The following DMGDH variants were observed in gnomAD, a reference collection of about 807,000 sequenced individuals.
DMGDH encodes dimethylglycine dehydrogenase, mitochondrial.
A neutral mutation model predicts 95.2 loss-of-function variants in DMGDH; 76 were observed. The ratio of observed to expected loss-of-function variants is 0.80; its 90% CI spans 0.66 to 0.97. DMGDH has a LOEUF of 0.97. Ranked by LOEUF, DMGDH falls within the 50% of genes least tolerant of loss-of-function variation. The pLI is 0.00. For missense variants in DMGDH, 987 were observed against 1,055.0 expected, an observed-to-expected ratio of 0.94 and a Z score of 0.89; for synonymous variants, 345 against 377.6, an observed-to-expected ratio of 0.91 and a Z score of 1.00.
At chr5:79,063,935 T>G (rs1176179808) in intron 1 of DMGDH, 148 bp from the exon 2 acceptor site, 9 of 924,436 alleles carry the variant, frequency 9.7e-6, no homozygotes, top group Non-Finnish European at 1.5e-5. Context: ...TTGGAGCATC[T>G]AAACTGTGAT....
At chr5:79,009,365 C>CTTTTTTT (rs34398829) in intron 14 of DMGDH, among the ~76,000 whole-genome samples, 17 of 132,486 alleles carry the variant, frequency 1.3e-4, no homozygotes, top group South Asian at 5.0e-4. Flanking sequence ...CTTTTCTTTT[C>CTTTTTTT]TTTTTTTTTT....
chr5:79,015,710 C>T (rs1181752858), intron 14 of DMGDH, among the ~76,000 whole-genome samples: 1 of 152,132 alleles, frequency 6.6e-6, no homozygotes, highest in Non-Finnish European at 1.5e-5. Flanking sequence ...TAATGGCAAG[C>T]TCTAAGTGCT....
At chr5:79,037,456 A>T (rs1255716191) in intron 7 of DMGDH, among the ~76,000 whole-genome samples, 1 of 152,172 alleles carries the variant, frequency 6.6e-6, no homozygotes, top group Non-Finnish European at 1.5e-5. Context: ...TATATTACAT[A>T]AGAAATATCT....
intron 14 of DMGDH, chr5:79,020,982 AT>A: frequency 1.0e-6 from 1 of 985,394 alleles, no homozygotes; most frequent in Non-Finnish European, 1.2e-6. Context: ...TGATTAATGC[AT>A]TTCTTCCATC....
chr5:79,018,686 AAAT>A (rs1236997028), intron 14 of DMGDH, among the ~76,000 whole-genome samples: 1 of 152,302 alleles, frequency 6.6e-6, no homozygotes, highest in Non-Finnish European at 1.5e-5. Context: ...AATACACTTA[AAAT>A]AATAATAAAA....
At chr5:79,044,667 AG>A in intron 5 of DMGDH, 115 bp from the exon 6 acceptor site, 1 of 1,186,750 alleles carries the variant, frequency 8.4e-7, no homozygotes, top group Non-Finnish European at 1.2e-6. Context: ...CTCATGGCAA[AG>A]TCTAATAAAT....
At chr5:79,007,718 T>C (rs1221366640) in intron 14 of DMGDH, among the ~76,000 whole-genome samples, 1 of 152,196 alleles carries the variant, frequency 6.6e-6, no homozygotes, top group African/African-American at 2.4e-5. Context: ...TCACCTACCA[T>C]CATGGAATCT....
chr5:79,048,054 T>C (rs1754731833), intron 5 of DMGDH, among the ~76,000 whole-genome samples: 1 of 152,138 alleles, frequency 6.6e-6, no homozygotes, highest in South Asian at 2.1e-4. Flanking sequence ...TTAAGTCTGG[T>C]ACCAAGAAGC....
At chr5:79,043,185 A>G (rs543685221) in intron 6 of DMGDH, among the ~76,000 whole-genome samples, 21 of 152,356 alleles carry the variant, frequency 1.4e-4, no homozygotes, top group African/African-American at 4.3e-4. Flanking sequence ...AGGTAGGGTC[A>G]GTCTCATGGA....
chr5:79,000,078 G>A (rs957714829), intron 15 of DMGDH: 1 of 367,708 alleles, frequency 2.7e-6, no homozygotes, highest in African/African-American at 2.1e-5. Flanking sequence ...GATACTCCTG[G>A]ATTTTCACTT....
Position 79,028,485 on chromosome 5 carries a change from C to T in DMGDH, c.1980G>A (p.Lys660=), listed in dbSNP as rs1754060657. 4.3e-6 allele frequency: 7 copies of T among 1,613,996 alleles called. No homozygotes were observed. The highest frequency in any genetic ancestry group is 5.9e-6 in the Non-Finnish European group (7 of 1,180,020). The change falls in exon 12 of 16, where the codon AAG becomes AAA. Residue 660 remains lysine (K), a synonymous_variant. Transcript: ENST00000255189. ...CAGGAATGTTGGAAACCTTTAAGGA[C>T]TTGGTTTGAAGAAACTTGAAAACAT... is the stretch of plus-strand genomic sequence containing the variant. ...SDDVFKFLQT[K]SLKVSNIPVT... is the part of the protein sequence containing the mutation.
chr5:78,998,050 C>A lies in DMGDH; in HGVS notation c.*32G>T, dbSNP rs772883155. The A allele has an allele frequency of 1.7e-5, 28 of 1,609,052 alleles. No individual in the cohort carries two copies. The highest frequency in any genetic ancestry group is 2.1e-5 in the Non-Finnish European group (25 of 1,175,590). On this transcript the variant is annotated 3_prime_UTR_variant, in exon 16 of 16. Transcript: ENST00000255189. ...TAATTTCAAGGACAGTCATTAGCAACTCTAATTCAGTTGACTGCTGAAGGT... is the reference window on the plus strand; with the variant it reads ...TAATTTCAAGGACAGTCATTAGCAAATCTAATTCAGTTGACTGCTGAAGGT...
intron 6 of DMGDH, among the ~76,000 whole-genome samples, chr5:79,042,951 A>G (rs1194970231): frequency 1.3e-5 from 2 of 152,102 alleles, no homozygotes; most frequent in Non-Finnish European, 2.9e-5. Context: ...ACCCCTTTTA[A>G]CTCTCCTTTC....
At chr5:79,040,260 T>C (rs141632490) in intron 7 of DMGDH, among the ~76,000 whole-genome samples, 12 of 152,102 alleles carry the variant, frequency 7.9e-5, no homozygotes, top group Admixed American at 2.0e-4. Context: ...TACTAGAGAA[T>C]TGGAGAATTG....
chr5:79,026,819 C>CT (rs1012857006), intron 12 of DMGDH, among the ~76,000 whole-genome samples: 1 of 152,158 alleles, frequency 6.6e-6, no homozygotes, highest in Non-Finnish European at 1.5e-5. Context: ...TGCAGGACAC[C>CT]TCTTGTCATG....
intron 9 of DMGDH, among the ~76,000 whole-genome samples, chr5:79,032,413 G>T (rs1332716805): frequency 6.6e-6 from 1 of 152,200 alleles, no homozygotes; most frequent in East Asian, 1.9e-4. Flanking sequence ...TTGGAGGGCG[G>T]TCGCAAGTTT....
intron 2 of DMGDH, among the ~76,000 whole-genome samples, chr5:79,056,176 C>T (rs1276930489): frequency 2.0e-5 from 3 of 152,040 alleles, no homozygotes; most frequent in Admixed American, 6.5e-5. Flanking sequence ...ACATGGATAG[C>T]GTTGTACAGA....
At chr5:79,063,524 G>T in intron 2 of DMGDH, 89 bp downstream of exon 2, 2 of 1,505,866 alleles carry the variant, frequency 1.3e-6, no homozygotes, top group Non-Finnish European at 1.8e-6. Context: ...ACTCTAAAGA[G>T]CTCACAGTTG....
chr5:78,999,657 A>C (rs990833534), intron 15 of DMGDH, among the ~76,000 whole-genome samples: 1 of 152,202 alleles, frequency 6.6e-6, no homozygotes, highest in Non-Finnish European at 1.5e-5. Context: ...TTCTAAACTT[A>C]CTGTGAAAAC....
Sources: allele counts gnomAD v4.1 joint callset (sites outside exome capture counted in the v4.1 genomes callset), GRCh38; gene constraint gnomAD v4.1.1; transcripts MANE v1.5; gene names NCBI Gene and HGNC (gene_info 2026-07-23, HGNC 2026-07-21).